Variants in DOK5 observed in about 807,000 individuals in gnomAD.
DOK5 encodes downstream of tyrosine kinase 5.
In DOK5, 27 loss-of-function variants were observed where a neutral mutation model predicts 43.3. The observed-to-expected ratio is 0.62, with a 90% CI of 0.46 to 0.86. DOK5 has a LOEUF of 0.86. Ranked by LOEUF, DOK5 falls within the 40% of genes least tolerant of loss-of-function variation. The pLI is 0.00. For missense variants in DOK5, 373 were observed against 392.9 expected, an observed-to-expected ratio of 0.95 and a Z score of 0.43; for synonymous variants, 146 against 140.1, an observed-to-expected ratio of 1.04 and a Z score of -0.30.
chr20:54,575,472 G>A (rs921718681), intron 2 of DOK5, among the ~76,000 whole-genome samples: 9 of 152,224 alleles, frequency 5.9e-5, no homozygotes, highest in Non-Finnish European at 1.0e-4. Flanking sequence ...ACAGAGTCTC[G>A]CTCTGTCACC....
At chr20:54,562,220 G>A (rs1255110411) in intron 2 of DOK5, among the ~76,000 whole-genome samples, 1 of 151,940 alleles carries the variant, frequency 6.6e-6, no homozygotes, top group African/African-American at 2.4e-5. Context: ...AGGCCCTTAC[G>A]GTTCCCAGGA....
At chr20:54,605,569 A>T (rs1255130640) in intron 5 of DOK5, among the ~76,000 whole-genome samples, 1 of 152,202 alleles carries the variant, frequency 6.6e-6, no homozygotes, top group Non-Finnish European at 1.5e-5. Flanking sequence ...CTGTCTGTCA[A>T]GGCTGTTTTT....
chr20:54,492,042 A>G (rs6068893), intron 1 of DOK5, among the ~76,000 whole-genome samples: 20 of 151,978 alleles, frequency 1.3e-4, no homozygotes, highest in African/African-American at 2.9e-4. Context: ...TATCATATGT[A>G]TATATGACAT....
chr20:54,628,408 CAAAAAAAAAAAAAAAAAA>C (rs56730310), intron 6 of DOK5, among the ~76,000 whole-genome samples: 413 of 23,428 alleles, frequency 0.018, 6 homozygotes, highest in African/African-American at 0.045. Context: ...GACTCCGTCT[CAAAAAAAAAAAAAAAAAA>C]AAAAAAAAAA....
At chr20:54,531,014 G>T (rs1983753569) in intron 1 of DOK5, among the ~76,000 whole-genome samples, 1 of 152,128 alleles carries the variant, frequency 6.6e-6, no homozygotes, top group Non-Finnish European at 1.5e-5. Context: ...GTGTTATGAA[G>T]AGCTTGAGGC....
intron 1 of DOK5, among the ~76,000 whole-genome samples, chr20:54,476,956 C>T (rs1300857974): frequency 6.6e-6 from 1 of 151,468 alleles, no homozygotes; most frequent in Admixed American, 6.6e-5. Flanking sequence ...AAACTAGGTC[C>T]CTCATTTCTC....
At chr20:54,561,289 C>CCTT (rs1198511871) in intron 2 of DOK5, among the ~76,000 whole-genome samples, 1 of 152,074 alleles carries the variant, frequency 6.6e-6, no homozygotes, top group African/African-American at 2.4e-5. Flanking sequence ...GGGGCTGATC[C>CCTT]CTTCTTCTTT....
intron 1 of DOK5, among the ~76,000 whole-genome samples, chr20:54,540,806 G>A (rs1392314839): frequency 6.6e-6 from 1 of 152,036 alleles, no homozygotes; most frequent in African/African-American, 2.4e-5. Flanking sequence ...TTACAGATGT[G>A]AGCCACCGTG....
intron 1 of DOK5, among the ~76,000 whole-genome samples, chr20:54,485,698 A>C (rs1981905179): frequency 6.6e-6 from 1 of 152,204 alleles, no homozygotes; most frequent in Admixed American, 6.5e-5. Flanking sequence ...GCTGGGTTGT[A>C]GAGTAGTTGT....
At chr20:54,568,489 A>C (rs1256887542) in intron 2 of DOK5, among the ~76,000 whole-genome samples, 1 of 152,264 alleles carries the variant, frequency 6.6e-6, no homozygotes, top group Admixed American at 6.5e-5. Flanking sequence ...ACAGGCTATT[A>C]TTAGCCAAGG....
At chr20:54,590,515 A>AGGG (rs11482472) in intron 4 of DOK5, among the ~76,000 whole-genome samples, 1 of 151,466 alleles carries the variant, frequency 6.6e-6, no homozygotes, top group African/African-American at 2.4e-5. Context: ...GGAACTTTCA[A>AGGG]GGGGGGGGAA....
chr20:54,581,739 T>C (rs1985649574), intron 2 of DOK5, among the ~76,000 whole-genome samples: 1 of 152,022 alleles, frequency 6.6e-6, no homozygotes, highest in South Asian at 2.1e-4. Flanking sequence ...TGATTTTGTA[T>C]CGTGCCATTT....
chr20:54,507,688 C>A (rs1231820350), intron 1 of DOK5, among the ~76,000 whole-genome samples: 1 of 152,080 alleles, frequency 6.6e-6, no homozygotes, highest in Non-Finnish European at 1.5e-5. Context: ...AAGGACCCAG[C>A]CATGAGAAAT....
chr20:54,645,286 C>G (rs1269732815), intron 7 of DOK5, among the ~76,000 whole-genome samples: 1 of 147,242 alleles, frequency 6.8e-6, no homozygotes, highest in African/African-American at 2.5e-5. Flanking sequence ...CCGCTCTGAA[C>G]CCTCAGTCCT....
rs574973457 is a variant in DOK5 at position 54,495,384 on chromosome 20, G to A, written c.66+19372G>A. 6.6e-5 allele frequency among the ~76,000 whole-genome samples: 10 copies of A among 152,298 alleles called. No individual in the cohort carries two copies. The South Asian group carries it at 2.1e-3, about 32-fold the overall frequency. On this transcript the variant is annotated intron_variant, in intron 1 of 7. Transcript: ENST00000262593. ...CGTTGTAGCCAGAGGGAAGAGAGAT[G>A]CTTTTGTCTGTGGGATTGATTCCAC...
intron 1 of DOK5, among the ~76,000 whole-genome samples, chr20:54,479,394 G>C (rs1171442178): frequency 6.6e-6 from 1 of 152,172 alleles, no homozygotes; most frequent in Non-Finnish European, 1.5e-5. Flanking sequence ...GGGGGAAGGA[G>C]GGGAGCAGCT....
At chr20:54,512,638 T>C (rs1033946603) in intron 1 of DOK5, among the ~76,000 whole-genome samples, 4 of 152,238 alleles carry the variant, frequency 2.6e-5, no homozygotes, top group Non-Finnish European at 5.9e-5. Context: ...TATTCTTTTA[T>C]GTTAAAATGT....
intron 1 of DOK5, among the ~76,000 whole-genome samples, chr20:54,537,160 T>C (rs760389667): frequency 3.9e-5 from 6 of 152,196 alleles, no homozygotes; most frequent in Non-Finnish European, 8.8e-5. Context: ...CCCCGTCAAG[T>C]ATCAAGTATG....
intron 5 of DOK5, among the ~76,000 whole-genome samples, chr20:54,600,223 T>A (rs142821754): frequency 2.0e-4 from 31 of 152,234 alleles, no homozygotes; most frequent in Middle Eastern, 3.4e-3. Context: ...CAGGTGGAGA[T>A]GCAGCGGGGT....
Sources: gnomAD v4.1 joint callset for allele counts (sites outside exome capture counted in the v4.1 genomes callset) on GRCh38, gnomAD v4.1.1 for gene constraint, MANE v1.5 for transcripts, NCBI Gene and HGNC (gene_info 2026-07-23, HGNC 2026-07-21) for gene names.